PARD3B: variants seen among roughly 807,000 people sequenced by gnomAD.
PARD3B encodes par-3 family cell polarity regulator beta, also known as partitioning defective 3 homolog B.
PARD3B carries 103 observed loss-of-function variants against 130.2 expected under a neutral mutation model. The ratio of observed to expected loss-of-function variants is 0.79; its 90% confidence interval spans 0.67 to 0.93. The LOEUF (loss-of-function observed/expected upper bound fraction) is 0.93, where lower values mean the gene tolerates loss of function less well. Among genes scored for constraint, PARD3B ranks in the 40% least tolerant of loss-of-function variants. PARD3B has a pLI of 0.00. For missense variants in PARD3B, 1,609 were observed against 1,499.2 expected (o/e 1.07, Z -1.21); for synonymous variants, 583 against 553.2 (o/e 1.05, Z -0.76).
chr2:205,350,540 G>A (rs1353074533), intron 18 of PARD3B, among the ~76,000 whole-genome samples: 1 of 152,132 alleles, frequency 6.6e-6, no homozygotes, highest in Non-Finnish European at 1.5e-5. Context: ...CTATTTTTGT[G>A]TCAGATTCTC....
intron 2 of PARD3B, among the ~76,000 whole-genome samples, chr2:204,688,223 A>G (rs189667859): frequency 1.3e-5 from 2 of 152,258 alleles, no homozygotes; most frequent in East Asian, 3.9e-4. Flanking sequence ...ATTGTTCTGC[A>G]GAGTTTATGA....
intron 2 of PARD3B, among the ~76,000 whole-genome samples, chr2:204,791,928 G>T (rs2125477636): frequency 6.6e-6 from 1 of 152,316 alleles, no homozygotes. Flanking sequence ...GAGGAGCTTT[G>T]TATGTGGATG....
At chr2:205,260,621 C>T (rs2040267423) in intron 16 of PARD3B, among the ~76,000 whole-genome samples, 1 of 152,068 alleles carries the variant, frequency 6.6e-6, no homozygotes, top group African/African-American at 2.4e-5. Flanking sequence ...ACACTGCTAA[C>T]CTGGGATCAC....
At chr2:204,812,978 G>A (rs1044858449) in intron 2 of PARD3B, among the ~76,000 whole-genome samples, 2 of 152,088 alleles carry the variant, frequency 1.3e-5, no homozygotes, top group African/African-American at 2.4e-5. Flanking sequence ...AGACATTTGG[G>A]CTTTCTCCAG....
At position 204,637,065 on chromosome 2, in the gene PARD3B, A is replaced by G. The variant is rs139290844; in HGVS notation, c.121-49116A>G. On this transcript the variant is annotated intron_variant, in intron 1 of 22. Transcript: ENST00000406610. ...ACACTTAATCCCTTTATTCTTTCAT[A>G]CTGTTTTAATGTGTTTTTTTCCCTT... 4.7e-3 allele frequency among the ~76,000 whole-genome samples: 708 copies of G among 152,178 alleles called. 2 individuals are homozygous for G. The highest frequency in any genetic ancestry group is 7.3e-3 in the Non-Finnish European group (498 of 68,010).
rs1395762336 is a variant in PARD3B at position 204,887,114 on chromosome 2, G to T, written c.223-78038G>T. Among the ~76,000 whole-genome samples, 1 of 151,982 alleles carries T rather than the reference G, an allele frequency of 6.6e-6. No individual in the cohort carries two copies. Among genetic ancestry groups the T allele is most frequent in the Non-Finnish European group, 1.5e-5 (1 of 67,988 alleles). On this transcript the variant is annotated intron_variant, in intron 2 of 22. Coordinates refer to ENST00000406610, the MANE Select transcript of PARD3B (RefSeq NM_001302769.2). This position sits in a 1 kb window ranked among gnomAD's most constrained non-coding sequence, Gnocchi z 4.2. ...AGAATAGGTAAACTGAATCTCTTTGGTTCCTTTGTTTTTTATTTAGGGAAG... is the reference window on the plus strand; with the variant it reads ...AGAATAGGTAAACTGAATCTCTTTGTTTCCTTTGTTTTTTATTTAGGGAAG...
chr2:204,645,775 T>C (rs898998696), intron 1 of PARD3B, among the ~76,000 whole-genome samples: 5 of 152,162 alleles, frequency 3.3e-5, no homozygotes, highest in Admixed American at 2.6e-4. Context: ...CACTAAACTT[T>C]TAAAAGAAGG....
intron 16 of PARD3B, among the ~76,000 whole-genome samples, chr2:205,279,070 CAAAAAAAAA>C (rs57717513): frequency 3.3e-4 from 13 of 38,868 alleles, no homozygotes; most frequent in South Asian, 2.4e-3. Flanking sequence ...GAATCTGTCT[CAAAAAAAAA>C]AAAAAAAAAA....
At chr2:205,518,599 T>G (rs1377714000) in intron 21 of PARD3B, among the ~76,000 whole-genome samples, 1 of 152,190 alleles carries the variant, frequency 6.6e-6, no homozygotes, top group African/African-American at 2.4e-5. Flanking sequence ...AATATTGATA[T>G]GTGTGGATTT....
At chr2:205,226,266 C>T (rs2038540838) in intron 15 of PARD3B, among the ~76,000 whole-genome samples, 1 of 152,198 alleles carries the variant, frequency 6.6e-6, no homozygotes, top group South Asian at 2.1e-4. Flanking sequence ...TGGTCTCGAT[C>T]TCCTGATCTT....
chr2:204,989,182 A>T (rs1335518879), intron 3 of PARD3B, among the ~76,000 whole-genome samples: 1 of 152,154 alleles, frequency 6.6e-6, no homozygotes, highest in Non-Finnish European at 1.5e-5. Flanking sequence ...AAGTTCAAGG[A>T]CGATTTTTCA....
rs1273635882 is a variant in PARD3B, at chr2:205,581,436, A to T, written c.3260+28033A>T. Among the ~76,000 whole-genome samples the T allele has an allele frequency of 7.9e-3, 1,133 of 144,246 alleles. 20 individuals are homozygous for T. The highest frequency in any genetic ancestry group is 0.027 in the African/African-American group (1,066 of 39,516). The allele number at this position is 144,246 out of a possible 152,430, so 94.6% of individuals were successfully genotyped here. On this transcript the variant is annotated intron_variant, in intron 22 of 22. Coordinates refer to ENST00000406610, the MANE Select transcript of PARD3B (RefSeq NM_001302769.2). ...ATATATAAATATATAAATATATATA[A>T]ATATATATAAATATATATGACAGGA...
chr2:204,974,199 TG>T lies in PARD3B; in HGVS notation c.394+8882del, dbSNP rs552033472. Among the ~76,000 whole-genome samples the T allele has an allele frequency of 9.9e-5, 15 of 152,284 alleles. No individual in the cohort carries two copies. In the South Asian group the frequency reaches 2.5e-3, roughly 25 times the overall value. On this transcript the variant is annotated intron_variant, in intron 3 of 22. Transcript: ENST00000406610. ...TACAGATGGAAGAAATTTGGAACTT[TG>T]GGGGGTTTTGGTGTGTAAAATTAGA...
rs368676594 is a variant in PARD3B at position 205,432,327 on chromosome 2, T to C, written c.2742-8043T>C. 7.9e-5 allele frequency among the ~76,000 whole-genome samples: 12 copies of C among 152,274 alleles called. No individual in the cohort carries two copies. In the South Asian group the frequency reaches 2.1e-3, roughly 26 times the overall value. On this transcript the variant is annotated intron_variant, in intron 19 of 22. Transcript: ENST00000406610. Reference sequence around the variant, plus strand: ...CTCAACAAAGCAGTCAGAGAGCCCTTTACCATGTAAGTCAGAGCCTATTAC... The same window carrying C: ...CTCAACAAAGCAGTCAGAGAGCCCTCTACCATGTAAGTCAGAGCCTATTAC...
chr2:204,568,682 C>T lies in PARD3B; in HGVS notation c.120+22563C>T, dbSNP rs182874172. Among the ~76,000 whole-genome samples the T allele has an allele frequency of 3.4e-3, 522 of 152,216 alleles. 4 individuals carry two copies. Among genetic ancestry groups the T allele is most frequent in the African/African-American group, 0.011 (468 of 41,546 alleles). The stretch of plus-strand genomic sequence containing the variant: ...TCAAGAAAAAATTACAGGCTGGTTT[C>T]GGTGGCTGACACCTGTAATCCCAGA... On this transcript the variant is annotated intron_variant, in intron 1 of 22. Coordinates refer to ENST00000406610, the MANE Select transcript of PARD3B (RefSeq NM_001302769.2).
chr2:204,737,645 T>C (rs1452201945), intron 2 of PARD3B, among the ~76,000 whole-genome samples: 1 of 152,232 alleles, frequency 6.6e-6, no homozygotes, highest in Non-Finnish European at 1.5e-5. Flanking sequence ...ATGAATTCTT[T>C]GCCTAGGCCA....
intron 10 of PARD3B, among the ~76,000 whole-genome samples, chr2:205,138,388 G>T (rs966096327): frequency 6.6e-6 from 1 of 152,114 alleles, no homozygotes; most frequent in African/African-American, 2.4e-5. Context: ...CTCCCTAGAT[G>T]AAGAATGTGC....
At chr2:204,813,419 A>C (rs981047529) in intron 2 of PARD3B, among the ~76,000 whole-genome samples, 1 of 152,126 alleles carries the variant, frequency 6.6e-6, no homozygotes, top group African/African-American at 2.4e-5. Flanking sequence ...ATACACTTTG[A>C]GTACAGGCCT....
At position 205,301,014 on chromosome 2, in the gene PARD3B, G is replaced by A. The variant is rs1291001003; in HGVS notation, c.2392+278G>A. ...CAACTGTCATTTACCCTTAGGGTAG[G>A]AGCACTAAGTATGCATTTCTTGACA... is the stretch of plus-strand genomic sequence containing the variant. On this transcript the variant is annotated intron_variant, in intron 17 of 22. Coordinates refer to ENST00000406610, the MANE Select transcript of PARD3B (RefSeq NM_001302769.2). This position sits in a 1 kb window ranked among gnomAD's most constrained non-coding sequence, Gnocchi z 5.2. Among the ~76,000 whole-genome samples, 2 of 152,166 alleles carry A rather than the reference G, an allele frequency of 1.3e-5. No individual in the cohort carries two copies. The highest frequency in any genetic ancestry group is 4.8e-5 in the African/African-American group (2 of 41,428).
Sources: gnomAD v4.1 joint callset for allele counts (sites outside exome capture counted in the v4.1 genomes callset) on GRCh38, gnomAD v4.1.1 for gene constraint, Gnocchi (gnomAD v3.1) non-coding constraint, MANE v1.5 for transcripts, NCBI Gene and HGNC (gene_info 2026-07-23, HGNC 2026-07-21) for gene names.